Variants in RYR2 observed in about 807,000 individuals in gnomAD.
RYR2 encodes the protein ryanodine receptor 2, also known as cardiac muscle ryanodine receptor-calcium release channel.
RYR2 carries 227 observed loss-of-function variants against 601.1 expected under a neutral mutation model. That is an observed-to-expected ratio of 0.38 (90% confidence interval 0.34 to 0.42). The LOEUF (loss-of-function observed/expected upper bound fraction) is 0.42. Among genes scored for constraint, RYR2 ranks in the 10% least tolerant of loss-of-function variants. The pLI is 1.00. For missense variants in RYR2, 4,646 were observed against 6,156.5 expected (o/e 0.75, Z 8.21); for synonymous variants, 2,223 against 2,175.1 (o/e 1.02, Z -0.61).
At chr1:237,117,328 G>C (rs1670185924) in intron 1 of RYR2, among the ~76,000 whole-genome samples, 1 of 152,142 alleles carries the variant, frequency 6.6e-6, no homozygotes, top group African/African-American at 2.4e-5. Flanking sequence ...ATTACGCTAA[G>C]GGATTCTGAC....
intron 1 of RYR2, among the ~76,000 whole-genome samples, chr1:237,140,919 A>C (rs1231604671): frequency 6.6e-6 from 1 of 152,218 alleles, no homozygotes; most frequent in Non-Finnish European, 1.5e-5. Flanking sequence ...GCTGCAGATT[A>C]GGGAGTGCAT....
At chr1:237,383,417 G>GTTTTTTTTTTTTT (rs10567644) in intron 8 of RYR2, among the ~76,000 whole-genome samples, 4 of 50,562 alleles carry the variant, frequency 7.9e-5, no homozygotes, top group Non-Finnish European at 1.1e-4. Context: ...CTTTTTTCTT[G>GTTTTTTTTTTTTT]TTTTTTTTTT....
At chr1:237,305,290 A>G (rs1470607519) in intron 2 of RYR2, among the ~76,000 whole-genome samples, 2 of 152,238 alleles carry the variant, frequency 1.3e-5, no homozygotes, top group Non-Finnish European at 1.5e-5. Context: ...ACTCTGAGCA[A>G]TAAAAATGAA....
chr1:237,556,737 C>T (rs1670926128), intron 27 of RYR2, among the ~76,000 whole-genome samples: 2 of 151,906 alleles, frequency 1.3e-5, no homozygotes, highest in South Asian at 2.1e-4. Flanking sequence ...TAAATTGCTA[C>T]CACTACCATA....
intron 61 of RYR2, 35 bp from the exon 62 acceptor site, chr1:237,680,421 A>T: frequency 1.3e-6 from 2 of 1,592,036 alleles, no homozygotes; most frequent in Admixed American, 3.4e-5. Flanking sequence ...GAAAGATTCC[A>T]CTACGTAGAT....
chr1:237,136,062 G>A (rs1389199714), intron 1 of RYR2, among the ~76,000 whole-genome samples: 4 of 152,224 alleles, frequency 2.6e-5, no homozygotes, highest in Non-Finnish European at 4.4e-5. Flanking sequence ...ACTGGCTGTT[G>A]AGAAGGAGAG....
intron 1 of RYR2, among the ~76,000 whole-genome samples, chr1:237,209,952 G>T (rs539589783): frequency 1.4e-4 from 21 of 152,070 alleles, no homozygotes; most frequent in Non-Finnish European, 2.5e-4. Context: ...TTAAATCTTT[G>T]TGATATTTTT....
chr1:237,593,387 C>T, intron 32 of RYR2, 89 bp from the exon 33 acceptor site: 9 of 1,296,944 alleles, frequency 6.9e-6, no homozygotes, highest in South Asian at 1.8e-5. Context: ...TTAAGTCATT[C>T]ACAGACTTAG....
chr1:237,474,898 T>C (rs1338114764), intron 17 of RYR2, among the ~76,000 whole-genome samples: 1 of 152,192 alleles, frequency 6.6e-6, no homozygotes, highest in East Asian at 1.9e-4. Flanking sequence ...CTTCCTAGTT[T>C]GAGCCAGAGT....
intron 76 of RYR2, 123 bp downstream of exon 76, chr1:237,727,322 A>C: frequency 2.3e-6 from 1 of 439,302 alleles, no homozygotes; most frequent in East Asian, 3.4e-5. Flanking sequence ...AGCTTTATTG[A>C]TTCTTCTACA....
chr1:237,274,247 A>G (rs1690031900), intron 2 of RYR2, among the ~76,000 whole-genome samples: 1 of 151,356 alleles, frequency 6.6e-6, no homozygotes, highest in African/African-American at 2.4e-5. Flanking sequence ...TATACATATG[A>G]CACAGCTGTA....
At chr1:237,764,671 T>A (rs1052933079) in intron 84 of RYR2, among the ~76,000 whole-genome samples, 12 of 151,974 alleles carry the variant, frequency 7.9e-5, no homozygotes, top group Admixed American at 1.3e-4. Context: ...GGTCTTGAAC[T>A]CCTGACCTCA....
At chr1:237,380,843 C>T (rs551180560) in intron 8 of RYR2, among the ~76,000 whole-genome samples, 78 of 151,890 alleles carry the variant, frequency 5.1e-4, no homozygotes, top group African/African-American at 1.8e-3. Context: ...TCTGGAAGGC[C>T]GAGGCGGGTG....
chr1:237,211,510 A>G (rs1682569303), intron 1 of RYR2, among the ~76,000 whole-genome samples: 1 of 152,238 alleles, frequency 6.6e-6, no homozygotes, highest in Admixed American at 6.5e-5. Context: ...CCCAGCTAGT[A>G]CGTGGTACAG....
At chr1:237,775,289 CAAA>C (rs1350598048) in intron 87 of RYR2, among the ~76,000 whole-genome samples, 13 of 152,120 alleles carry the variant, frequency 8.5e-5, no homozygotes, top group Admixed American at 7.9e-4. Flanking sequence ...GCACATTTGT[CAAA>C]ACTAAGAAAT....
chr1:237,510,765 G>A (rs997736948), intron 23 of RYR2, among the ~76,000 whole-genome samples: 3 of 152,198 alleles, frequency 2.0e-5, no homozygotes, highest in Admixed American at 6.5e-5. Flanking sequence ...ATGCGATTTA[G>A]GTCTCTGAGA....
intron 35 of RYR2, among the ~76,000 whole-genome samples, chr1:237,603,685 C>A (rs1676771779): frequency 6.6e-6 from 1 of 152,172 alleles, no homozygotes; most frequent in African/African-American, 2.4e-5. Flanking sequence ...AGACCCATCT[C>A]ATGTGCAGAG....
chr1:237,089,209 G>A (rs1043349497), intron 1 of RYR2, among the ~76,000 whole-genome samples: 3 of 152,104 alleles, frequency 2.0e-5, no homozygotes, highest in Admixed American at 6.6e-5. Context: ...ATTACATAAC[G>A]GAGTTCAGAT....
chr1:237,401,463 C>T (rs1223907314), intron 10 of RYR2, among the ~76,000 whole-genome samples: 1,837 of 152,236 alleles, frequency 0.012, 49 homozygotes, highest in African/African-American at 0.042. Flanking sequence ...ACTCACAGAA[C>T]ACAGATGTTA....
Sources: allele counts gnomAD v4.1 joint callset (sites outside exome capture counted in the v4.1 genomes callset), GRCh38; gene constraint gnomAD v4.1.1; transcripts MANE v1.5; gene names NCBI Gene and HGNC (gene_info 2026-07-23, HGNC 2026-07-21).